RBFOX1: variants seen among roughly 807,000 people sequenced by gnomAD.
RBFOX1 encodes RNA binding fox-1 homolog 1.
In RBFOX1, 8 loss-of-function variants were observed where a neutral mutation model predicts 57.7. That is an observed-to-expected ratio of 0.14 (90% CI 0.08 to 0.25). RBFOX1 has a LOEUF of 0.25. Ranked by LOEUF, RBFOX1 falls within the 10% of genes least tolerant of loss-of-function variation. RBFOX1 has a pLI of 1.00. For synonymous variants in RBFOX1, 326 were observed against 222.4 expected (o/e 1.47, Z -4.15); for missense variants, 611 against 548.5 (o/e 1.11, Z -1.14).
chr16:6,551,489 A>G (rs1599603796), intron 2 of RBFOX1, among the ~76,000 whole-genome samples: 1 of 152,244 alleles, frequency 6.6e-6, no homozygotes. Context: ...TTAGCAAATG[A>G]CAGCTATTAC....
intron 2 of RBFOX1, among the ~76,000 whole-genome samples, chr16:6,501,152 T>TTTTA (rs2095907930): frequency 1.4e-5 from 2 of 146,040 alleles, no homozygotes; most frequent in African/African-American, 2.6e-5. Context: ...TTTTTTTTTT[T>TTTTA]ATTTCACTTG....
intron 3 of RBFOX1, among the ~76,000 whole-genome samples, chr16:6,893,017 A>G (rs376210912): frequency 6.6e-6 from 1 of 152,214 alleles, no homozygotes; most frequent in South Asian, 2.1e-4. Context: ...CATTGCAAAC[A>G]CTGCAGTTAC....
At chr16:7,340,894 A>G (rs551182378) in intron 4 of RBFOX1, among the ~76,000 whole-genome samples, 3 of 152,286 alleles carry the variant, frequency 2.0e-5, no homozygotes, top group Non-Finnish European at 2.9e-5. Context: ...TGTCATTTTG[A>G]TCATTTTAAA....
At position 5,805,776 on chromosome 16, in the gene RBFOX1, A is replaced by G. The variant is rs141940416; in HGVS notation, c.319-61527A>G. On this transcript the variant is annotated intron_variant, in intron 3 of 19. Coordinates refer to the RBFOX1 transcript ENST00000641259. ...CCAACCCATATTCTAGCAGAGAGGA[A>G]GTCAAGAGGATGAAGACTCCCATAT... Among the ~76,000 whole-genome samples the G allele has an allele frequency of 7.2e-5, 11 of 152,318 alleles. No homozygotes were observed. The East Asian group carries it at 2.1e-3, about 29-fold the overall frequency.
At chr16:7,027,875 G>A (rs1259361974) in intron 3 of RBFOX1, among the ~76,000 whole-genome samples, 9 of 150,422 alleles carry the variant, frequency 6.0e-5, no homozygotes, top group South Asian at 4.2e-4. Context: ...GAGGGAAACC[G>A]GGAGAAAAAA....
rs1303973736 is a variant in RBFOX1 at position 6,450,765 on chromosome 16, G to GTATATATATATATACATATACATATATA, written c.-64+133709_-64+133710insATATATATATATACATATACATATATAT. Reference sequence around the variant, plus strand: ...TTTATATATATATACATATATATATGTGTATATATATATATATATATATAC... The same window carrying GTATATATATATATACATATACATATATA: ...TTTATATATATATACATATATATATGTATATATATATATACATATACATATATATGTATATATATATATATATATATAC... On this transcript the variant is annotated intron_variant, in intron 2 of 15. Transcript: ENST00000550418. 2.1e-4 allele frequency among the ~76,000 whole-genome samples: 4 copies of GTATATATATATATACATATACATATATA among 19,442 alleles called. 1 individual carries two copies. The highest frequency in any genetic ancestry group is 4.4e-3 in the East Asian group (2 of 454). The allele number at this position is 19,442 out of a possible 152,430, so 12.8% of individuals were successfully genotyped here.
At chr16:6,202,703 C>A (rs551910617) in intron 1 of RBFOX1, among the ~76,000 whole-genome samples, 1 of 152,248 alleles carries the variant, frequency 6.6e-6, no homozygotes, top group Non-Finnish European at 1.5e-5. Context: ...TCACCATAAT[C>A]AATGCTGTAT....
At chr16:7,025,508 G>T (rs1276324771) in intron 3 of RBFOX1, among the ~76,000 whole-genome samples, 2 of 152,164 alleles carry the variant, frequency 1.3e-5, no homozygotes, top group South Asian at 4.1e-4. Flanking sequence ...AGCCCCTATG[G>T]AAGATGGAGT....
intron 3 of RBFOX1, among the ~76,000 whole-genome samples, chr16:6,872,091 C>A (rs1015167707): frequency 3.9e-5 from 6 of 152,072 alleles, no homozygotes; most frequent in African/African-American, 1.2e-4. Flanking sequence ...CTTTTCACAG[C>A]ATAATTGTAA....
chr16:7,710,843 CTAAAAAA>C lies in RBFOX1; in HGVS notation c.*99_*105del, dbSNP rs1326862759. 6.6e-6 allele frequency: 5 copies of C among 758,772 alleles called. No individual in the cohort carries two copies. In the African/African-American group the frequency reaches 1.8e-4, roughly 27 times the overall value. The allele number at this position is 758,772 out of a possible 1,614,324, so 47.0% of individuals were successfully genotyped here. On this transcript the variant is annotated 3_prime_UTR_variant, in exon 16 of 16. Coordinates refer to ENST00000550418, the MANE Select transcript of RBFOX1 (RefSeq NM_018723.4). ...GCAGTAGTACATCATTTTAGCAACTCTAAAAAAAAAAAAAATACAAATAAAAAGGAAA... is the reference window on the plus strand; with the variant it reads ...GCAGTAGTACATCATTTTAGCAACTCAAAAAAAATACAAATAAAAAGGAAA...
rs191043335 is a variant in RBFOX1, at chr16:6,678,339, G to A, written c.-16+23689G>A. On this transcript the variant is annotated intron_variant, in intron 3 of 15. Transcript: ENST00000550418. ...GGGGTTTCATCATGTTGGCCAGGCT[G>A]GTTTGAACTCCTGACCTCAAGTCAT... 3.9e-5 allele frequency among the ~76,000 whole-genome samples: 6 copies of A among 152,130 alleles called. No homozygotes were observed. In the East Asian group the frequency reaches 9.7e-4, roughly 25 times the overall value.
chr16:6,148,083 C>G (rs140913440), intron 1 of RBFOX1, among the ~76,000 whole-genome samples: 1 of 152,222 alleles, frequency 6.6e-6, no homozygotes, highest in African/African-American at 2.4e-5. Context: ...AATCCCAGCA[C>G]TTCGGGAGGC....
At chr16:6,062,278 A>G (rs1196971078) in intron 1 of RBFOX1, among the ~76,000 whole-genome samples, 1 of 142,490 alleles carries the variant, frequency 7.0e-6, no homozygotes, top group East Asian at 2.1e-4. Context: ...ATTGGTGATC[A>G]ACTCCATCTT....
chr16:6,855,412 G>T (rs1358308720), intron 3 of RBFOX1, among the ~76,000 whole-genome samples: 1 of 152,088 alleles, frequency 6.6e-6, no homozygotes, highest in Non-Finnish European at 1.5e-5. Context: ...AGCACTTTGG[G>T]AGGGTGAGGC....
intron 11 of RBFOX1, among the ~76,000 whole-genome samples, chr16:7,631,467 C>G (rs567337044): frequency 6.6e-6 from 1 of 152,230 alleles, no homozygotes; most frequent in East Asian, 1.9e-4. Context: ...CCGCCACTGA[C>G]TCTACCATGT....
At chr16:6,373,087 A>G (rs2090693112) in intron 2 of RBFOX1, among the ~76,000 whole-genome samples, 1 of 151,460 alleles carries the variant, frequency 6.6e-6, no homozygotes, top group African/African-American at 2.4e-5. Flanking sequence ...ATCACTGGGT[A>G]GGAGTATTGT....
chr16:5,485,057 AAAGTT>A (rs1399270186), intron 2 of RBFOX1, among the ~76,000 whole-genome samples: 5 of 150,708 alleles, frequency 3.3e-5, no homozygotes, highest in Non-Finnish European at 5.9e-5. Context: ...TCTCAGAAAA[AAAGTT>A]AAGGCTGGGC....
rs1302646398 is a variant in RBFOX1, at chr16:6,630,746, GA to G, written c.-63-23853del. On this transcript the variant is annotated intron_variant, in intron 2 of 15. Transcript: ENST00000550418. ...TAAAATTTAAGCTGGAATTTATGAT[GA>G]AAATACCATGAGAAGGAGGTTGAAA... Among the ~76,000 whole-genome samples the G allele has an allele frequency of 1.3e-4, 20 of 152,206 alleles. No homozygotes were observed. The East Asian group carries it at 1.4e-3, about 10-fold the overall frequency.
intron 4 of RBFOX1, among the ~76,000 whole-genome samples, chr16:7,205,802 T>G (rs7204662): frequency 3.3e-5 from 5 of 152,324 alleles, no homozygotes; most frequent in Admixed American, 1.3e-4. Flanking sequence ...CTGTATGAGG[T>G]GAATTGAAAC....
Sources: allele counts gnomAD v4.1 joint callset (sites outside exome capture counted in the v4.1 genomes callset), GRCh38; gene constraint gnomAD v4.1.1; transcripts MANE v1.5; gene names NCBI Gene and HGNC (gene_info 2026-07-23, HGNC 2026-07-21).